RPTOR: variants seen among roughly 807,000 people sequenced by gnomAD.
RPTOR encodes the protein regulatory-associated protein of mTOR.
RPTOR carries 21 observed loss-of-function variants against 169.9 expected under a neutral mutation model. The ratio of observed to expected loss-of-function variants is 0.12; its 90% CI spans 0.09 to 0.18. The LOEUF (loss-of-function observed/expected upper bound fraction) is 0.18, where lower values mean the gene tolerates loss of function less well. RPTOR is among the 10% of genes least tolerant of loss of function. The probability of loss-of-function intolerance (pLI) is 1.00; values close to 1 mark genes in which losing one functional copy is unlikely to be tolerated. For missense variants in RPTOR, 1,133 were observed against 1,855.9 expected (o/e 0.61, Z 7.16); for synonymous variants, 732 against 753.2 (o/e 0.97, Z 0.46).
chr17:80,706,049 C>T (rs1567867187), intron 3 of RPTOR, among the ~76,000 whole-genome samples: 1 of 152,206 alleles, frequency 6.6e-6, no homozygotes. Flanking sequence ...ATTGGCCTTA[C>T]TTATTTTAGT....
At chr17:80,688,956 G>A (rs2143734727) in intron 3 of RPTOR, among the ~76,000 whole-genome samples, 1 of 152,332 alleles carries the variant, frequency 6.6e-6, no homozygotes, top group South Asian at 2.1e-4. Flanking sequence ...ACCTCAAGGG[G>A]TAGAGGTGGC....
chr17:80,861,468 G>C lies in RPTOR; in HGVS notation c.1509+3568G>C, dbSNP rs1340937627. Among the ~76,000 whole-genome samples, 1 of 110,364 alleles carries C rather than the reference G, an allele frequency of 9.1e-6. No individual in the cohort carries two copies. The highest frequency in any genetic ancestry group is 2.3e-5 in the Non-Finnish European group (1 of 43,590). 72.4% of individuals were successfully genotyped at this position (110,364 alleles called of 152,430 possible). A position where few individuals can be genotyped will look rare whatever the true frequency, so the allele number is the denominator to read the frequency against. ...TATTTTACTCTTCTTCAAATTCACT[G>C]AAGAGCCACATTATGTAAACAAAGG... On this transcript the variant is annotated intron_variant, in intron 13 of 33. Transcript: ENST00000306801. This position sits in a 1 kb window ranked among gnomAD's most constrained non-coding sequence, Gnocchi z 4.5.
At chr17:80,669,842 T>C (rs1328776716) in intron 3 of RPTOR, among the ~76,000 whole-genome samples, 2 of 152,248 alleles carry the variant, frequency 1.3e-5, no homozygotes, top group African/African-American at 4.8e-5. Flanking sequence ...ATACTTCTGA[T>C]ACTTATTCAA....
intron 3 of RPTOR, among the ~76,000 whole-genome samples, chr17:80,653,640 G>T (rs941962811): frequency 3.3e-5 from 5 of 152,214 alleles, no homozygotes; most frequent in Admixed American, 6.5e-5. Flanking sequence ...GAGCTTGGCA[G>T]GAGGGGCGGT....
rs923523845 is a variant in RPTOR, at chr17:80,701,959, C to T, written c.349-5882C>T. Among the ~76,000 whole-genome samples the T allele has an allele frequency of 1.6e-4, 24 of 152,120 alleles. 1 individual carries two copies. Among genetic ancestry groups the T allele is most frequent in the East Asian group, 1.4e-3 (7 of 5,172 alleles). On this transcript the variant is annotated intron_variant, in intron 3 of 33. Coordinates refer to ENST00000306801, the MANE Select transcript of RPTOR (RefSeq NM_020761.3). Reference sequence around the variant, plus strand: ...TGTGCAGCTTCACCAGAGCTTCTAGCGGGACCATGCCGCCACGAGGGCCAC... The same window carrying T: ...TGTGCAGCTTCACCAGAGCTTCTAGTGGGACCATGCCGCCACGAGGGCCAC...
chr17:80,586,766 G>A (rs2065063879), intron 1 of RPTOR, among the ~76,000 whole-genome samples: 1 of 152,234 alleles, frequency 6.6e-6, no homozygotes. Context: ...TGAATGTTCA[G>A]ATGCCACCAG....
intron 1 of RPTOR, among the ~76,000 whole-genome samples, chr17:80,614,623 A>G (rs1478664592): frequency 6.6e-6 from 1 of 152,242 alleles, no homozygotes; most frequent in Non-Finnish European, 1.5e-5. Context: ...TAAAGAAAAA[A>G]TATTTCGGGC....
intron 3 of RPTOR, among the ~76,000 whole-genome samples, chr17:80,699,795 T>C (rs1209830955): frequency 2.7e-5 from 4 of 147,858 alleles, no homozygotes; most frequent in African/African-American, 1.0e-4. Flanking sequence ...AGAGGTGCTG[T>C]GCACGGTACC....
intron 20 of RPTOR, among the ~76,000 whole-genome samples, chr17:80,903,420 C>T (rs1222327642): frequency 6.6e-6 from 1 of 152,264 alleles, no homozygotes; most frequent in Non-Finnish European, 1.5e-5. Flanking sequence ...CCTGGGAGGC[C>T]ACAGAACAGT....
chr17:80,575,675 A>G (rs1350556442), intron 1 of RPTOR, among the ~76,000 whole-genome samples: 1 of 152,206 alleles, frequency 6.6e-6, no homozygotes, highest in Non-Finnish European at 1.5e-5. Context: ...CTTGAACACG[A>G]TGCGTGTCTA....
chr17:80,901,853 C>T lies in RPTOR; in HGVS notation c.2402-6958C>T, dbSNP rs138971281. On this transcript the variant is annotated intron_variant, in intron 20 of 33. Transcript: ENST00000306801. ...TGCTCTGCCTTCCCCAGAGCACTTGCATTCTTACACCCTCAGTCACGTGTT... is the reference window on the plus strand; with the variant it reads ...TGCTCTGCCTTCCCCAGAGCACTTGTATTCTTACACCCTCAGTCACGTGTT... Among the ~76,000 whole-genome samples the T allele has an allele frequency of 8.0e-3, 1,219 of 152,020 alleles. 11 individuals are homozygous for T. Among genetic ancestry groups the T allele is most frequent in the Middle Eastern group, 0.02 (6 of 294 alleles).
intron 3 of RPTOR, among the ~76,000 whole-genome samples, chr17:80,685,602 CATATATATATATATAT>C (rs1164461444): frequency 8.7e-5 from 3 of 34,542 alleles, no homozygotes; most frequent in Admixed American, 4.8e-4. Flanking sequence ...GGGCCATTTC[CATATATATATATATAT>C]ATATATATAT....
chr17:80,625,625 C>T, intron 1 of RPTOR, 66 bp from the exon 2 acceptor site: 1 of 1,272,246 alleles, frequency 7.9e-7, no homozygotes, highest in South Asian at 1.2e-5. Context: ...ATTTTAAAAG[C>T]TGGAAAAACA....
chr17:80,910,717 C>CAGCTCCTT (rs2068602088), intron 21 of RPTOR, among the ~76,000 whole-genome samples: 1 of 152,182 alleles, frequency 6.6e-6, no homozygotes, highest in Non-Finnish European at 1.5e-5. Flanking sequence ...TGCAGCTCCT[C>CAGCTCCTT]AGCTCCTTTT....
chr17:80,797,784 G>C (rs1481185002), intron 7 of RPTOR, among the ~76,000 whole-genome samples: 3 of 152,164 alleles, frequency 2.0e-5, no homozygotes, highest in African/African-American at 4.8e-5. Context: ...CTTGGTTACT[G>C]TGACCTCTGT....
chr17:80,767,709 G>A (rs367896979), intron 6 of RPTOR, among the ~76,000 whole-genome samples: 14 of 152,042 alleles, frequency 9.2e-5, no homozygotes, highest in Non-Finnish European at 1.2e-4. Context: ...CCCAAGGCTC[G>A]GTGTAATTAG....
chr17:80,762,231 G>A (rs957466001), intron 6 of RPTOR, among the ~76,000 whole-genome samples: 10 of 152,344 alleles, frequency 6.6e-5, no homozygotes, highest in Middle Eastern at 3.4e-3. Context: ...GGAGGGGCAC[G>A]GGCTGCTGAC....
rs1367283439 is a variant in RPTOR, at chr17:80,891,679, CA to C, written c.1984-40del. The C allele has an allele frequency of 3.7e-6, 5 of 1,340,276 alleles. No individual in the cohort carries two copies. The Middle Eastern group carries it at 5.7e-4, about 153-fold the overall frequency. The allele number at this position is 1,340,276 out of a possible 1,614,324, so 83.0% of individuals were successfully genotyped here. A position where few individuals can be genotyped will look rare whatever the true frequency, so the allele number is the denominator to read the frequency against. Reference sequence around the variant, plus strand: ...TCACTGCTGCTCCACAATCATTTTCCAGCCCCAGTGACTGTTATTGTCCCTT... The same window carrying C: ...TCACTGCTGCTCCACAATCATTTTCCGCCCCAGTGACTGTTATTGTCCCTT... On this transcript the variant is annotated intron_variant, in intron 17 of 33. Coordinates refer to ENST00000306801, the MANE Select transcript of RPTOR (RefSeq NM_020761.3).
intron 25 of RPTOR, among the ~76,000 whole-genome samples, chr17:80,940,824 AG>A (rs1460996061): frequency 1.4e-5 from 2 of 143,206 alleles, no homozygotes; most frequent in Non-Finnish European, 3.1e-5. Context: ...CAGAGTGGGG[AG>A]GGGAGGGGCC....
Sources: allele counts gnomAD v4.1 joint callset (sites outside exome capture counted in the v4.1 genomes callset), GRCh38; gene constraint gnomAD v4.1.1; non-coding constraint Gnocchi (gnomAD v3.1); transcripts MANE v1.5; gene names NCBI Gene and HGNC (gene_info 2026-07-23, HGNC 2026-07-21).